The following MYRF variants were observed in gnomAD, a reference collection of about 807,000 sequenced individuals.
MYRF encodes the protein myelin regulatory factor, also known as myelin gene regulatory factor.
Under a neutral mutation model 126.3 loss-of-function variants are expected in MYRF, and 16 were observed. That is an observed-to-expected ratio of 0.13 (90% CI 0.09 to 0.19). The LOEUF (loss-of-function observed/expected upper bound fraction) is 0.19, where lower values mean the gene tolerates loss of function less well. MYRF is among the 10% of genes least tolerant of loss of function. The pLI is 1.00. For missense variants in MYRF, 1,104 were observed against 1,547.0 expected (o/e 0.71, Z 4.80); for synonymous variants, 608 against 635.3 (o/e 0.96, Z 0.65).
At chr11:61,762,629 G>T (rs111484105) in intron 1 of MYRF, among the ~76,000 whole-genome samples, 2 of 152,130 alleles carry the variant, frequency 1.3e-5, no homozygotes, top group Non-Finnish European at 2.9e-5. Flanking sequence ...GCTTCGGCAA[G>T]CCCCCACCCT....
rs1356030999 is a variant in MYRF, at chr11:61,777,033, G to A, written c.1590+156G>A. 1.3e-5 allele frequency among the ~76,000 whole-genome samples: 2 copies of A among 152,122 alleles called. No homozygotes were observed. Among genetic ancestry groups the A allele is most frequent in the Non-Finnish European group, 2.9e-5 (2 of 68,018 alleles). The stretch of plus-strand genomic sequence containing the variant: ...TGGGCAAAGCTCCCACCCTCTCTGG[G>A]CTGCAGGGTCTCCACAGTAAAGCAG... On this transcript the variant is annotated intron_variant, in intron 11 of 26. Coordinates refer to ENST00000278836, the MANE Select transcript of MYRF (RefSeq NM_001127392.3). The surrounding 1 kb of genome is among the most constrained non-coding windows in gnomAD (Gnocchi z 8.8).
chr11:61,762,714 G>C (rs2065932782), intron 1 of MYRF, among the ~76,000 whole-genome samples: 1 of 152,156 alleles, frequency 6.6e-6, no homozygotes, highest in Non-Finnish European at 1.5e-5. Flanking sequence ...GAGCGGCGTG[G>C]GAAAGAGACG....
chr11:61,773,109 A>G (rs2066272753), intron 7 of MYRF, among the ~76,000 whole-genome samples: 1 of 150,798 alleles, frequency 6.6e-6, no homozygotes, highest in African/African-American at 2.4e-5. Flanking sequence ...GGGTTCAAGC[A>G]ATTCTCCTGC....
In MYRF at chr11:61,778,670, T is replaced by A; in HGVS notation, c.2013+181T>A. 1 of 661,494 alleles carries A rather than the reference T, an allele frequency of 1.5e-6. No individual in the cohort carries two copies. Among genetic ancestry groups the A allele is most frequent in the South Asian group, 1.6e-5 (1 of 64,054 alleles). 41.0% of individuals were successfully genotyped at this position (661,494 alleles called of 1,614,324 possible). Reference sequence around the variant, plus strand: ...GGGAAGGGGTGAGTGTTCAAGGAGATGAGTGGGTAGGGATTTGGCCCCTGG... The same window carrying A: ...GGGAAGGGGTGAGTGTTCAAGGAGAAGAGTGGGTAGGGATTTGGCCCCTGG... On this transcript the variant is annotated intron_variant, in intron 14 of 26. Coordinates refer to ENST00000278836, the MANE Select transcript of MYRF (RefSeq NM_001127392.3). The surrounding 1 kb of genome is among the most constrained non-coding windows in gnomAD (Gnocchi z 4.6).
intron 22 of MYRF, chr11:61,782,369 A>G (rs1459422032): frequency 1.3e-5 from 2 of 152,614 alleles, no homozygotes; most frequent in African/African-American, 4.8e-5. Flanking sequence ...GCTCTCACCA[A>G]CTTTCATCTG....
intron 5 of MYRF, 101 bp from the exon 6 acceptor site, chr11:61,771,399 C>T: frequency 6.7e-7 from 1 of 1,489,438 alleles, no homozygotes; most frequent in Non-Finnish European, 9.0e-7. Flanking sequence ...CGGGGCACAT[C>T]CTGGCCCAAA....
At chr11:61,779,675 C>T in intron 16 of MYRF, 105 bp downstream of exon 16, 3 of 1,241,226 alleles carry the variant, frequency 2.4e-6, no homozygotes, top group Non-Finnish European at 3.3e-6. Flanking sequence ...GTGCTTCCCT[C>T]TCCTTGTGAC....
intron 1 of MYRF, among the ~76,000 whole-genome samples, chr11:61,754,701 G>A (rs917915603): frequency 6.6e-6 from 1 of 152,218 alleles, no homozygotes; most frequent in Non-Finnish European, 1.5e-5. Context: ...GGCGGGGGGA[G>A]GCTGCGCTAC....
intron 18 of MYRF, 111 bp from the exon 19 acceptor site, chr11:61,780,601 T>G (rs920337260): frequency 3.6e-6 from 4 of 1,105,908 alleles, no homozygotes; most frequent in Non-Finnish European, 3.9e-6. Flanking sequence ...GGCAGGGCCT[T>G]GGGCTCTGTG....
chr11:61,780,927 C>G (rs368442860), intron 19 of MYRF, 33 bp from the exon 20 acceptor site: 613 of 1,606,906 alleles, frequency 3.8e-4, no homozygotes, highest in Non-Finnish European at 4.6e-4. Context: ...GCTCTCCCAG[C>G]CCCTCTGAGC....
At chr11:61,769,000 G>A (rs1673232939) in intron 3 of MYRF, among the ~76,000 whole-genome samples, 1 of 152,166 alleles carries the variant, frequency 6.6e-6, no homozygotes, top group South Asian at 2.1e-4. Context: ...CCATCATCAA[G>A]GACACTAGTA....
intron 1 of MYRF, chr11:61,755,842 G>A (rs2065736608): frequency 4.3e-6 from 2 of 463,926 alleles, no homozygotes; most frequent in South Asian, 1.6e-5. Context: ...CTTGGAGGAT[G>A]GAGGGAAGTC....
chr11:61,755,365 G>A, intron 1 of MYRF: 13 of 1,605,502 alleles, frequency 8.1e-6, no homozygotes, highest in Non-Finnish European at 1.1e-5. Context: ...CCTAGAGAGA[G>A]GCAAGGCAGC....
At chr11:61,762,688 G>C (rs763276888) in intron 1 of MYRF, among the ~76,000 whole-genome samples, 46 of 152,196 alleles carry the variant, frequency 3.0e-4, no homozygotes, top group Non-Finnish European at 6.3e-4. Flanking sequence ...TGTGGTTCAC[G>C]GGCGGGCTGG....
chr11:61,764,676 A>C (rs2066001785), intron 1 of MYRF, among the ~76,000 whole-genome samples: 1 of 150,914 alleles, frequency 6.6e-6, no homozygotes, highest in African/African-American at 2.4e-5. Context: ...CCCCCTTATC[A>C]CCCCGCCCTC....
rs535522346 is a variant in MYRF at position 61,755,270 on chromosome 11, G to A, written c.46+2480G>A. ...CCGGTGGTGGGCTGGGGGCTAAGGC[G>A]CTTTGGACCTCAGGTGGGAGGCCGG... On this transcript the variant is annotated intron_variant, in intron 1 of 26. Coordinates refer to ENST00000278836, the MANE Select transcript of MYRF (RefSeq NM_001127392.3). 34 of 1,145,270 alleles carry A rather than the reference G, an allele frequency of 3.0e-5. No homozygotes were observed. In the Admixed American group the frequency reaches 3.5e-4, roughly 12 times the overall value. The allele number at this position is 1,145,270 out of a possible 1,614,324, so 70.9% of individuals were successfully genotyped here.
intron 1 of MYRF, among the ~76,000 whole-genome samples, chr11:61,758,604 G>T (rs1236083281): frequency 1.3e-5 from 2 of 152,222 alleles, no homozygotes; most frequent in African/African-American, 4.8e-5. Context: ...GTGAGTGTTT[G>T]TGTACATGCG....
rs2066561093 is a variant in MYRF at position 61,781,839 on chromosome 11, CCT to C, written c.3016+16_3016+17del. The C allele has an allele frequency of 2.0e-6, 3 of 1,522,926 alleles. No individual in the cohort carries two copies. The highest frequency in any genetic ancestry group is 1.8e-6 in the Non-Finnish European group (2 of 1,142,088). 94.3% of individuals were successfully genotyped at this position (1,522,926 alleles called of 1,614,324 possible). A position where few individuals can be genotyped will look rare whatever the true frequency, so the allele number is the denominator to read the frequency against. ...GGGCCAGTCAGGTACTTGCTGCACC[CCT>C]GACACTACCCAGCCCAGCCTGGCAA... is the stretch of plus-strand genomic sequence containing the variant. On this transcript the variant is annotated intron_variant, in intron 22 of 26. Transcript: ENST00000278836.
In MYRF at chr11:61,752,765, G is replaced by T; in HGVS notation, c.21G>T (p.Thr7=). The T allele has an allele frequency of 6.7e-7, 1 of 1,484,718 alleles. No homozygotes were observed. The highest frequency in any genetic ancestry group is 8.9e-7 in the Non-Finnish European group (1 of 1,122,756). The allele number at this position is 1,484,718 out of a possible 1,614,324, so 92.0% of individuals were successfully genotyped here. The change falls in exon 1 of 27, where the codon ACG becomes ACT. Residue 7 remains threonine, a synonymous_variant. Coordinates refer to ENST00000278836, the MANE Select transcript of MYRF (RefSeq NM_001127392.3). ...GGGACATGGAGGTGGTGGACGAGAC[G>T]GAGGCGCTGCAGCGCTTCTTCGAAG... The part of the protein sequence containing the change: MEVVDE[T]EALQRFFEGH...
Sources: allele counts gnomAD v4.1 joint callset (sites outside exome capture counted in the v4.1 genomes callset), GRCh38; gene constraint gnomAD v4.1.1; non-coding constraint Gnocchi (gnomAD v3.1); transcripts MANE v1.5; gene names NCBI Gene and HGNC (gene_info 2026-07-23, HGNC 2026-07-21).